The following CDH18 variants were observed in gnomAD, a reference collection of about 807,000 sequenced individuals.
The protein encoded by CDH18 is cadherin-18.
CDH18 carries 31 observed loss-of-function variants against 67.9 expected under a neutral mutation model. That is an observed-to-expected ratio of 0.46 (90% CI 0.34 to 0.62). The LOEUF is 0.62. Ranked by LOEUF, CDH18 falls within the 20% of genes least tolerant of loss-of-function variation. CDH18 has a pLI of 0.01. For synonymous variants in CDH18, 362 were observed against 347.2 expected (o/e 1.04, Z -0.48); for missense variants, 890 against 975.5 (o/e 0.91, Z 1.17).
chr5:20,224,049 C>T (rs1741426445), intron 2 of CDH18, among the ~76,000 whole-genome samples: 1 of 152,052 alleles, frequency 6.6e-6, no homozygotes, highest in Admixed American at 6.6e-5. Context: ...TGAAGCAATG[C>T]ACATTTTCTG....
chr5:19,813,352 C>T (rs930138863), intron 3 of CDH18, among the ~76,000 whole-genome samples: 1 of 151,306 alleles, frequency 6.6e-6, no homozygotes, highest in Non-Finnish European at 1.5e-5. Flanking sequence ...TTGTCAGATT[C>T]TATAAAAAAA....
At chr5:19,635,414 C>A (rs1752996179) in intron 5 of CDH18, among the ~76,000 whole-genome samples, 1 of 152,162 alleles carries the variant, frequency 6.6e-6, no homozygotes, top group Non-Finnish European at 1.5e-5. Flanking sequence ...TAAAAGTCAT[C>A]TTCTCATAGT....
At chr5:19,764,690 C>G (rs1438117728) in intron 3 of CDH18, among the ~76,000 whole-genome samples, 1 of 150,038 alleles carries the variant, frequency 6.7e-6, no homozygotes, top group Non-Finnish European at 1.5e-5. Flanking sequence ...TCTTTATAAC[C>G]ATATATGTGT....
intron 2 of CDH18, among the ~76,000 whole-genome samples, chr5:19,878,299 T>A (rs1787260371): frequency 6.6e-6 from 1 of 152,136 alleles, no homozygotes; most frequent in Non-Finnish European, 1.5e-5. Context: ...ACACATGACA[T>A]GGCAGACCTT....
At chr5:19,872,113 G>A (rs1296990678) in intron 2 of CDH18, among the ~76,000 whole-genome samples, 2 of 152,006 alleles carry the variant, frequency 1.3e-5, no homozygotes, top group South Asian at 4.1e-4. Flanking sequence ...ACCATAATGT[G>A]TTCATAGTCT....
chr5:19,593,732 C>CTTCTTCTTCTTCTTG (rs1561426329), intron 6 of CDH18, among the ~76,000 whole-genome samples: 10 of 129,248 alleles, frequency 7.7e-5, no homozygotes, highest in African/African-American at 1.8e-4. Flanking sequence ...TCTTCTTCTT[C>CTTCTTCTTCTTCTTG]TTCTTCTTCT....
At chr5:19,886,267 C>A (rs1411055272) in intron 2 of CDH18, 1 of 152,068 alleles carries the variant, frequency 6.6e-6, no homozygotes, top group Admixed American at 6.6e-5. Context: ...GACTGCAGTA[C>A]TTAAAATGAA....
rs1744142428 is a variant in CDH18 at position 20,078,435 on chromosome 5, C to T, written c.-517-86421G>A. Among the ~76,000 whole-genome samples, 4 of 151,812 alleles carry T rather than the reference C, an allele frequency of 2.6e-5. No individual in the cohort carries two copies. The South Asian group carries it at 8.3e-4, about 32-fold the overall frequency. On this transcript the variant is annotated intron_variant, in intron 2 of 14. Transcript: ENST00000507958. ...CCGAGATCACGCCATTGCACTCCAG[C>T]CTGGGTGACAGAATGAGACTCTGTC...
Position 19,473,030 on chromosome 5 carries a change from C to CTTT in CDH18, c.*193_*195dup, listed in dbSNP as rs34972691. ...AACAATAACTTTTTCTTTGTATTGT[C>CTTT]TTTTTTTTTTTTTTTTTACTTTCTT... On this transcript the variant is annotated 3_prime_UTR_variant, in exon 13 of 13. Coordinates refer to ENST00000382275, the MANE Select transcript of CDH18 (RefSeq NM_004934.5). The CTTT allele has an allele frequency of 1.2e-4, 49 of 405,792 alleles. No individual in the cohort carries two copies. Among genetic ancestry groups the CTTT allele is most frequent in the African/African-American group, 7.1e-4 (33 of 46,372 alleles). The allele number at this position is 405,792 out of a possible 1,614,324, so 25.1% of individuals were successfully genotyped here.
At chr5:19,779,455 C>G (rs959234556) in intron 3 of CDH18, among the ~76,000 whole-genome samples, 1 of 152,096 alleles carries the variant, frequency 6.6e-6, no homozygotes, top group African/African-American at 2.4e-5. Flanking sequence ...AATTCTTTCT[C>G]TCATTAGAGA....
intron 5 of CDH18, among the ~76,000 whole-genome samples, chr5:19,707,638 C>A (rs1429304495): frequency 2.6e-5 from 4 of 152,198 alleles, no homozygotes; most frequent in African/African-American, 9.6e-5. Context: ...CCTTCACTAT[C>A]AATCTTGGCT....
At chr5:20,176,739 C>A (rs890783671) in intron 2 of CDH18, among the ~76,000 whole-genome samples, 1 of 152,096 alleles carries the variant, frequency 6.6e-6, no homozygotes, top group Non-Finnish European at 1.5e-5. Flanking sequence ...TATAAATTGT[C>A]TTCTTGCTCC....
At chr5:20,197,926 T>A (rs1739114606) in intron 2 of CDH18, among the ~76,000 whole-genome samples, 1 of 152,152 alleles carries the variant, frequency 6.6e-6, no homozygotes, top group Non-Finnish European at 1.5e-5. Context: ...AATTGAATTA[T>A]GGGGGTGGTT....
intron 3 of CDH18, among the ~76,000 whole-genome samples, chr5:19,769,201 C>CAGT (rs1203463528): frequency 1.3e-5 from 2 of 151,990 alleles, no homozygotes; most frequent in African/African-American, 4.8e-5. Flanking sequence ...ATCTACATTC[C>CAGT]AGTAGCTCAA....
chr5:19,716,664 T>C (rs1765377977), intron 5 of CDH18, among the ~76,000 whole-genome samples: 1 of 151,982 alleles, frequency 6.6e-6, no homozygotes, highest in Non-Finnish European at 1.5e-5. Context: ...TATTTGAAGT[T>C]CAATGTCTAC....
rs113034044 is a variant in CDH18 at position 20,450,994 on chromosome 5, A to G, written c.-580+124468T>C. Among the ~76,000 whole-genome samples the G allele has an allele frequency of 8.9e-3, 1,360 of 152,292 alleles. 18 individuals carry two copies. The highest frequency in any genetic ancestry group is 0.031 in the African/African-American group (1,290 of 41,556). On this transcript the variant is annotated intron_variant, in intron 1 of 14. Coordinates refer to the CDH18 transcript ENST00000507958. Reference sequence around the variant, plus strand: ...TTGAGACTTACTCACTATCATGAGAACAGCTTGGGAAAGACCTGCCCTATA... The same window carrying G: ...TTGAGACTTACTCACTATCATGAGAGCAGCTTGGGAAAGACCTGCCCTATA...
chr5:20,424,740 C>G (rs1426308748), intron 1 of CDH18, among the ~76,000 whole-genome samples: 27 of 79,112 alleles, frequency 3.4e-4, no homozygotes, highest in Non-Finnish European at 5.7e-4. Context: ...GAGCAAGACT[C>G]TGTCTAAAAA....
chr5:19,676,309 A>C (rs1252599491), intron 5 of CDH18, among the ~76,000 whole-genome samples: 9 of 152,102 alleles, frequency 5.9e-5, no homozygotes, highest in African/African-American at 2.2e-4. Flanking sequence ...AACTTCGCTA[A>C]AGAGGTAATC....
chr5:19,519,202 T>A (rs1207074331), intron 10 of CDH18, among the ~76,000 whole-genome samples: 1 of 152,180 alleles, frequency 6.6e-6, no homozygotes, highest in Non-Finnish European at 1.5e-5. Flanking sequence ...TAGAGTTTTT[T>A]ATTTTAACAA....
Sources: gnomAD v4.1 joint callset for allele counts (sites outside exome capture counted in the v4.1 genomes callset) on GRCh38, gnomAD v4.1.1 for gene constraint, MANE v1.5 for transcripts, NCBI Gene and HGNC (gene_info 2026-07-23, HGNC 2026-07-21) for gene names.